The following CDH23 variants were observed in gnomAD, a reference collection of about 807,000 sequenced individuals.
The protein encoded by CDH23 is cadherin-23.
CDH23 carries 189 observed loss-of-function variants against 317.1 expected under a neutral mutation model. The ratio of observed to expected loss-of-function variants is 0.60; its 90% CI spans 0.53 to 0.67. The LOEUF (loss-of-function observed/expected upper bound fraction) is 0.67. CDH23 is among the 30% of genes least tolerant of loss of function. The pLI, the probability that CDH23 is intolerant of heterozygous loss-of-function variation, is 0.00. For missense variants in CDH23, 4,401 were observed against 4,592.4 expected (o/e 0.96, Z 1.20); for synonymous variants, 1,839 against 1,876.8 (o/e 0.98, Z 0.52).
At chr10:71,774,048 C>CGT (rs1459819252) in intron 38 of CDH23, among the ~76,000 whole-genome samples, 2 of 119,456 alleles carry the variant, frequency 1.7e-5, no homozygotes, top group African/African-American at 6.1e-5. Flanking sequence ...TGCATGCGCG[C>CGT]GCGCACACAC....
chr10:71,532,238 A>G (rs74145038), intron 6 of CDH23, among the ~76,000 whole-genome samples: 6,928 of 152,184 alleles, frequency 0.046, 369 homozygotes, highest in African/African-American at 0.13. Flanking sequence ...TAATTGATGA[A>G]CTTGTTCCTC....
intron 38 of CDH23, 32 bp downstream of exon 38, chr10:71,741,953 G>A (rs748626594): frequency 1.9e-4 from 296 of 1,518,800 alleles, no homozygotes; most frequent in Non-Finnish European, 2.5e-4. Context: ...AGGGAGGAGC[G>A]GGTGGGCCAG....
Position 71,740,957 on chromosome 10 carries a change from G to A in CDH23, c.4617+7G>A, listed in dbSNP as rs747214104. The A allele has an allele frequency of 3.2e-5, 51 of 1,613,778 alleles. No homozygotes were observed. Among genetic ancestry groups the A allele is most frequent in the Non-Finnish European group, 4.0e-5 (47 of 1,179,856 alleles). ...CAATGTCAGTGTGAATGAGGTGAGG[G>A]CAGCCCCGGGGCCCATATAGCTGGA... On this transcript the variant is annotated splice_region_variant and intron_variant, in intron 37 of 69. Transcript: ENST00000224721.
chr10:71,403,314 T>TCTTCCTTC (rs201087939), intron 1 of CDH23, among the ~76,000 whole-genome samples: 1,132 of 102,660 alleles, frequency 0.011, 133 homozygotes, highest in African/African-American at 0.021. Flanking sequence ...TCTTTCTCTT[T>TCTTCCTTC]CTTCCTTCCT....
chr10:71,442,386 A>G lies in CDH23; in HGVS notation c.67+2488A>G, dbSNP rs185521329. On this transcript the variant is annotated intron_variant, in intron 2 of 69. Transcript: ENST00000224721. The stretch of plus-strand genomic sequence containing the variant: ...CTAGGGGAGAGTGGGTGACTGAACC[A>G]CCTTCCCAGGCCCTCTAGACACCCC... Among the ~76,000 whole-genome samples the G allele has an allele frequency of 4.3e-3, 649 of 152,032 alleles. 6 individuals are homozygous for G. The highest frequency in any genetic ancestry group is 0.014 in the African/African-American group (594 of 41,448).
At chr10:71,562,693 G>A (rs868378222) in intron 6 of CDH23, among the ~76,000 whole-genome samples, 2 of 152,234 alleles carry the variant, frequency 1.3e-5, no homozygotes, top group Admixed American at 6.5e-5. Flanking sequence ...TCCCAGCACC[G>A]CAGCCATGGG....
chr10:71,443,146 GC>G (rs748939767), intron 2 of CDH23, among the ~76,000 whole-genome samples: 1 of 152,188 alleles, frequency 6.6e-6, no homozygotes, highest in Non-Finnish European at 1.5e-5. Flanking sequence ...TGCACCTTCA[GC>G]CCCCACCACC....
intron 48 of CDH23, among the ~76,000 whole-genome samples, chr10:71,795,357 A>G (rs1437026111): frequency 6.6e-6 from 1 of 152,114 alleles, no homozygotes; most frequent in Non-Finnish European, 1.5e-5. Flanking sequence ...GAGAAGTTAG[A>G]TAGAACCAGC....
At chr10:71,571,792 G>A (rs1857830758) in intron 8 of CDH23, among the ~76,000 whole-genome samples, 1 of 152,264 alleles carries the variant, frequency 6.6e-6, no homozygotes, top group African/African-American at 2.4e-5. Context: ...AGAACTCAGT[G>A]TGCTTAAAGG....
At chr10:71,666,995 A>T (rs889115597) in intron 14 of CDH23, among the ~76,000 whole-genome samples, 2 of 152,268 alleles carry the variant, frequency 1.3e-5, no homozygotes, top group African/African-American at 4.8e-5. Flanking sequence ...GACATGTCAA[A>T]CATTGCTATT....
Position 71,704,940 on chromosome 10 carries a change from G to A in CDH23, c.2763G>A (p.Leu921=), listed in dbSNP as rs773509511. 6 of 1,612,814 alleles carry A rather than the reference G, an allele frequency of 3.7e-6. No homozygotes were observed. In the African/African-American group the frequency reaches 5.3e-5, roughly 14 times the overall value. Residue 921 remains leucine, a synonymous_variant, in exon 25 of 70, where the codon CTG becomes CTA. Transcript: ENST00000224721. ...TGGCCATCGACCTCGATGAGGGCCT[G>A]AACGGCCTGGTGTCCTACCGCATGC... ...QVVAIDLDEG[L]NGLVSYRMPV...
At chr10:71,454,464 C>T (rs1253303142) in intron 3 of CDH23, among the ~76,000 whole-genome samples, 1 of 152,204 alleles carries the variant, frequency 6.6e-6, no homozygotes, top group Non-Finnish European at 1.5e-5. Flanking sequence ...TATTGGAAGG[C>T]TGCTGGAGGC....
At chr10:71,627,187 C>G (rs1324808564) in intron 11 of CDH23, among the ~76,000 whole-genome samples, 2 of 152,134 alleles carry the variant, frequency 1.3e-5, no homozygotes, top group African/African-American at 4.8e-5. Context: ...TGCAAGGCCT[C>G]GGTTGTCTCA....
intron 36 of CDH23, 77 bp from the exon 37 acceptor site, chr10:71,740,745 C>A: frequency 1.9e-6 from 3 of 1,587,306 alleles, no homozygotes; most frequent in Non-Finnish European, 2.6e-6. Flanking sequence ...ACTGATTGCA[C>A]AGCCCTTTTG....
At chr10:71,749,289 CCT>C (rs1244297476) in intron 38 of CDH23, 1 of 152,236 alleles carries the variant, frequency 6.6e-6, no homozygotes, top group Non-Finnish European at 1.5e-5. Flanking sequence ...AAAAACATAC[CCT>C]CTTTCCTTCT....
chr10:71,510,231 C>G lies in CDH23; in HGVS notation c.288+7C>G, dbSNP rs567066860. 3 of 1,612,946 alleles carry G rather than the reference C, an allele frequency of 1.9e-6. No individual in the cohort carries two copies. Among genetic ancestry groups the G allele is most frequent in the Non-Finnish European group, 2.5e-6 (3 of 1,179,702 alleles). The stretch of plus-strand genomic sequence containing the variant: ...GCAGCCACTGGACAGAGAGGTATGA[C>G]TTGCCCATACCCCTGCCCCAATTCT... On this transcript the variant is annotated splice_region_variant and intron_variant, in intron 4 of 69. Coordinates refer to ENST00000224721, the MANE Select transcript of CDH23 (RefSeq NM_022124.6).
chr10:71,744,091 G>T (rs778194716), intron 38 of CDH23, among the ~76,000 whole-genome samples: 69 of 152,310 alleles, frequency 4.5e-4, no homozygotes, highest in Non-Finnish European at 7.3e-4. Flanking sequence ...CACCCTAGCT[G>T]CAAGGGAGGT....
At chr10:71,713,655 G>C in intron 28 of CDH23, 2 of 261,758 alleles carry the variant, frequency 7.6e-6, no homozygotes, top group South Asian at 8.8e-5. Context: ...GGAGGAAGTA[G>C]AGGGTTCTCT....
intron 3 of CDH23, among the ~76,000 whole-genome samples, chr10:71,502,833 A>T (rs1446283123): frequency 6.6e-6 from 1 of 152,038 alleles, no homozygotes; most frequent in East Asian, 1.9e-4. Flanking sequence ...CCGCTTATTC[A>T]CCCCTCCGTG....
Sources: gnomAD v4.1 joint callset for allele counts (sites outside exome capture counted in the v4.1 genomes callset) on GRCh38, gnomAD v4.1.1 for gene constraint, MANE v1.5 for transcripts, NCBI Gene and HGNC (gene_info 2026-07-23, HGNC 2026-07-21) for gene names.